The following RYR3 variants were observed in gnomAD, a reference collection of about 807,000 sequenced individuals.
The protein encoded by RYR3 is brain ryanodine receptor-calcium release channel.
In RYR3, 207 loss-of-function variants were observed where a neutral mutation model predicts 584.3. The ratio of observed to expected loss-of-function variants is 0.35; its 90% confidence interval spans 0.32 to 0.40. The LOEUF (loss-of-function observed/expected upper bound fraction) is 0.40, where lower values mean the gene tolerates loss of function less well. Ranked by LOEUF, RYR3 falls within the 10% of genes least tolerant of loss-of-function variation. The pLI, the probability that RYR3 is intolerant of heterozygous loss-of-function variation, is 1.00. For missense variants in RYR3, 5,616 were observed against 6,089.2 expected (o/e 0.92, Z 2.59); for synonymous variants, 2,416 against 2,248.5 (o/e 1.07, Z -2.11).
intron 10 of RYR3, among the ~76,000 whole-genome samples, chr15:33,554,277 C>T (rs1387209068): frequency 2.0e-5 from 3 of 146,660 alleles, no homozygotes; most frequent in Non-Finnish European, 3.0e-5. Context: ...CCATTTCATT[C>T]TAACCTCCAT....
intron 38 of RYR3, among the ~76,000 whole-genome samples, chr15:33,682,565 C>T (rs2064703684): frequency 6.6e-6 from 1 of 152,168 alleles, no homozygotes; most frequent in Non-Finnish European, 1.5e-5. Context: ...ATAATAATCT[C>T]ATAAATGAAG....
chr15:33,477,920 T>A (rs2082753), intron 2 of RYR3, among the ~76,000 whole-genome samples: 81,430 of 131,392 alleles, frequency 0.62, 26,855 homozygotes, highest in African/African-American at 0.81. Context: ...TAGGGGCTAT[T>A]ACCAGAGACT....
At chr15:33,373,391 C>T (rs1298677632) in intron 1 of RYR3, among the ~76,000 whole-genome samples, 1 of 152,224 alleles carries the variant, frequency 6.6e-6, no homozygotes, top group Non-Finnish European at 1.5e-5. Flanking sequence ...TTACTTAAAT[C>T]ATGTTTCTGT....
At chr15:33,423,552 G>C (rs2044386524) in intron 1 of RYR3, among the ~76,000 whole-genome samples, 1 of 152,106 alleles carries the variant, frequency 6.6e-6, no homozygotes, top group African/African-American at 2.4e-5. Context: ...AACTTTTTGA[G>C]GACCCACCAA....
At chr15:33,695,914 C>T (rs1275550928) in intron 38 of RYR3, among the ~76,000 whole-genome samples, 6 of 148,812 alleles carry the variant, frequency 4.0e-5, no homozygotes, top group Non-Finnish European at 8.9e-5. Flanking sequence ...GCCTCCCAAG[C>T]AGCTGACTAC....
rs369625654 is a variant in RYR3 at position 33,794,348 on chromosome 15, A to AT, written c.9830+5890_9830+5891insT. 1.0e-4 allele frequency among the ~76,000 whole-genome samples: 6 copies of AT among 58,338 alleles called. 1 individual carries two copies. Among genetic ancestry groups the AT allele is most frequent in the African/African-American group, 3.2e-4 (6 of 18,930 alleles). The allele number at this position is 58,338 out of a possible 152,430, so 38.3% of individuals were successfully genotyped here. On this transcript the variant is annotated intron_variant, in intron 67 of 103. Coordinates refer to ENST00000634891, the MANE Select transcript of RYR3 (RefSeq NM_001036.6). ...TTTTATATATGTTTATATATATAAA[A>AT]ATATATATATATATAAAATCTTTTC...
chr15:33,468,230 G>C (rs1180259070), intron 1 of RYR3, among the ~76,000 whole-genome samples: 1 of 152,162 alleles, frequency 6.6e-6, no homozygotes, highest in Non-Finnish European at 1.5e-5. Flanking sequence ...ATTAAACTGA[G>C]ATGCTATAAC....
At chr15:33,565,646 G>T (rs2057674914) in intron 11 of RYR3, among the ~76,000 whole-genome samples, 2 of 152,096 alleles carry the variant, frequency 1.3e-5, no homozygotes, top group African/African-American at 4.8e-5. Flanking sequence ...GTCTCTCTTT[G>T]CTTGCTTCCA....
chr15:33,347,759 C>T lies in RYR3; in HGVS notation c.51+36663C>T, dbSNP rs571245312. Among the ~76,000 whole-genome samples the T allele has an allele frequency of 1.6e-3, 244 of 152,124 alleles. 1 individual carries two copies. Among genetic ancestry groups the T allele is most frequent in the Middle Eastern group, 0.01 (3 of 294 alleles). ...CCTGTGCCCCTTTGTCATAGCCCAT[C>T]AATTAAACAAAATTTGCTTTTAGGA... On this transcript the variant is annotated intron_variant, in intron 1 of 103. Coordinates refer to ENST00000634891, the MANE Select transcript of RYR3 (RefSeq NM_001036.6).
chr15:33,617,919 T>C (rs1394609265), intron 19 of RYR3, among the ~76,000 whole-genome samples: 1 of 152,200 alleles, frequency 6.6e-6, no homozygotes, highest in Non-Finnish European at 1.5e-5. Context: ...TTCTTCTCAA[T>C]GTGGTTTGTT....
chr15:33,785,642 T>G lies in RYR3; in HGVS notation c.9269-20T>G, dbSNP rs1220515406. 1.3e-6 allele frequency: 2 copies of G among 1,536,200 alleles called. No individual in the cohort carries two copies. The highest frequency in any genetic ancestry group is 1.8e-6 in the Non-Finnish European group (2 of 1,139,072). ...ACTGTGCTTTTGAATTTCTGTCCCT[T>G]TATTCTTCCTCTCAATCAGTTCTGG... On this transcript the variant is annotated intron_variant, in intron 65 of 103. Coordinates refer to ENST00000634891, the MANE Select transcript of RYR3 (RefSeq NM_001036.6).
Position 33,566,735 on chromosome 15 carries a change from C to T in RYR3, c.1204C>T (p.Arg402Cys), listed in dbSNP as rs754291567. 49 of 1,613,616 alleles carry T rather than the reference C, an allele frequency of 3.0e-5. No homozygotes were observed. The highest frequency in any genetic ancestry group is 4.0e-5 in the African/African-American group (3 of 74,882). ...DDGLTLQRCQ[R>C]EESQAARIIR... ...TGGATTAACACTGCAGAGATGCCAG[C>T]GTGAGGAGTCCCAGGCTGCTCGGAT... Residue 402 changes from arginine (R) to cysteine (C), a missense_variant, in exon 12 of 104, where the codon CGT becomes TGT. Physicochemically the swap from Arg to Cys is radical, Grantham distance 180. Transcript: ENST00000634891.
intron 1 of RYR3, among the ~76,000 whole-genome samples, chr15:33,335,477 A>G (rs1230288201): frequency 6.6e-6 from 1 of 152,158 alleles, no homozygotes; most frequent in Non-Finnish European, 1.5e-5. Context: ...AAGCTATATG[A>G]TGAGAACACA....
At chr15:33,795,795 T>C (rs1267965352) in intron 67 of RYR3, among the ~76,000 whole-genome samples, 1 of 152,126 alleles carries the variant, frequency 6.6e-6, no homozygotes, top group African/African-American at 2.4e-5. Context: ...CCTCCCAAAG[T>C]GCTGGGATTA....
At chr15:33,335,329 C>A (rs527699029) in intron 1 of RYR3, among the ~76,000 whole-genome samples, 1 of 152,258 alleles carries the variant, frequency 6.6e-6, no homozygotes, top group Non-Finnish European at 1.5e-5. Flanking sequence ...ACATATACAC[C>A]ATGGAATACT....
At chr15:33,373,158 G>T (rs2040469382) in intron 1 of RYR3, among the ~76,000 whole-genome samples, 1 of 152,166 alleles carries the variant, frequency 6.6e-6, no homozygotes, top group Non-Finnish European at 1.5e-5. Context: ...ATTCTCATTT[G>T]AATTTACCAA....
chr15:33,669,320 A>G (rs2063679280), intron 36 of RYR3, 34 bp from the exon 37 acceptor site: 1 of 1,579,908 alleles, frequency 6.3e-7, no homozygotes, highest in Non-Finnish European at 8.7e-7. Context: ...CAACATTGAG[A>G]ACCAACTAGC....
At chr15:33,672,989 G>A (rs1365822337) in intron 38 of RYR3, among the ~76,000 whole-genome samples, 3 of 152,230 alleles carry the variant, frequency 2.0e-5, no homozygotes, top group Non-Finnish European at 4.4e-5. Flanking sequence ...CGTAAAGTGA[G>A]TAAAGCTATG....
intron 7 of RYR3, 90 bp downstream of exon 7, chr15:33,540,980 C>A: frequency 1.2e-6 from 1 of 801,498 alleles, no homozygotes; most frequent in Non-Finnish European, 2.1e-6. Flanking sequence ...CCAGATCTCA[C>A]CTGAATGTCT....
Sources: gnomAD v4.1 joint callset for allele counts (sites outside exome capture counted in the v4.1 genomes callset) on GRCh38, gnomAD v4.1.1 for gene constraint, MANE v1.5 for transcripts, NCBI Gene and HGNC (gene_info 2026-07-23, HGNC 2026-07-21) for gene names.